Variants in DDX6 observed in about 807,000 individuals in gnomAD.
DDX6 encodes the protein probable ATP-dependent RNA helicase DDX6.
DDX6 carries 7 observed loss-of-function variants against 60.6 expected under a neutral mutation model. The ratio of observed to expected loss-of-function variants is 0.12; its 90% CI spans 0.07 to 0.22. DDX6 has a LOEUF of 0.22. DDX6 is among the 10% of genes least tolerant of loss of function. The pLI is 1.00. For missense variants in DDX6, 270 were observed against 589.9 expected (o/e 0.46, Z 5.62); for synonymous variants, 207 against 201.0 (o/e 1.03, Z -0.25).
At chr11:118,760,117 A>G in intron 7 of DDX6, 73 bp from the exon 8 acceptor site, 2 of 1,337,658 alleles carry the variant, frequency 1.5e-6, no homozygotes, top group South Asian at 2.8e-5. Context: ...ACATGGTCAA[A>G]GAATAAGGCA....
intron 13 of DDX6, among the ~76,000 whole-genome samples, chr11:118,753,167 T>C (rs879990074): frequency 6.6e-6 from 1 of 151,968 alleles, no homozygotes; most frequent in Non-Finnish European, 1.5e-5. Context: ...TAGCTGGGAT[T>C]ACAGGCGCCC....
intron 2 of DDX6, among the ~76,000 whole-genome samples, chr11:118,783,105 C>T (rs1308459650): frequency 1.3e-5 from 2 of 150,232 alleles, no homozygotes; most frequent in Non-Finnish European, 3.0e-5. Flanking sequence ...AAGTAAGTGA[C>T]GGAGGTTAAG....
chr11:118,769,606 C>G (rs1233493516), intron 4 of DDX6, among the ~76,000 whole-genome samples: 1 of 152,166 alleles, frequency 6.6e-6, no homozygotes, highest in South Asian at 2.1e-4. Context: ...CAAGCACCCC[C>G]ACTCTTTGCA....
intron 12 of DDX6, 23 bp from the exon 13 acceptor site, chr11:118,754,910 T>G: frequency 6.4e-7 from 1 of 1,572,832 alleles, no homozygotes; most frequent in African/African-American, 1.4e-5. Flanking sequence ...CGTTTAAAAA[T>G]TTTAATGAAT....
chr11:118,755,349 T>C (rs929043147), intron 12 of DDX6, 53 bp downstream of exon 12: 3 of 1,093,044 alleles, frequency 2.7e-6, no homozygotes, highest in Non-Finnish European at 4.2e-6. Context: ...ATTTAGTCAT[T>C]ACACGCCTCA....
chr11:118,784,140 A>T (rs1281463094), intron 2 of DDX6, among the ~76,000 whole-genome samples: 10 of 151,976 alleles, frequency 6.6e-5, no homozygotes, highest in Non-Finnish European at 1.5e-5. Context: ...AAATTTTGCT[A>T]ACCTACTTAC....
At chr11:118,790,721 CCA>C (rs1862245318) in intron 1 of DDX6, 1 of 153,092 alleles carries the variant, frequency 6.5e-6, no homozygotes, top group Non-Finnish European at 1.5e-5. Context: ...CGCTCCCACC[CCA>C]CACAGCTGCC....
chr11:118,766,663 G>A (rs368296277), intron 5 of DDX6, among the ~76,000 whole-genome samples: 26 of 151,936 alleles, frequency 1.7e-4, no homozygotes, highest in African/African-American at 4.8e-4. Context: ...CTGCCATCTC[G>A]GCCCACTGCA....
intron 4 of DDX6, among the ~76,000 whole-genome samples, chr11:118,770,033 CT>C (rs1184616238): frequency 7.5e-5 from 11 of 146,020 alleles, no homozygotes; most frequent in Middle Eastern, 3.4e-3. Flanking sequence ...AATTTTTTTT[CT>C]TTTTTTTTTG....
At chr11:118,758,089 G>C (rs1399048194) in intron 9 of DDX6, among the ~76,000 whole-genome samples, 1 of 152,174 alleles carries the variant, frequency 6.6e-6, no homozygotes, top group East Asian at 1.9e-4. Context: ...CCTCAGCTGG[G>C]AATGTGCATG....
At chr11:118,757,123 G>C in intron 10 of DDX6, 48 bp downstream of exon 10, 1 of 981,040 alleles carries the variant, frequency 1.0e-6, no homozygotes, top group South Asian at 1.9e-5. Context: ...ACAAAATAAA[G>C]AAAGAGATTT....
At chr11:118,768,436 C>A in intron 4 of DDX6, 84 bp from the exon 5 acceptor site, 1 of 1,454,790 alleles carries the variant, frequency 6.9e-7, no homozygotes, top group South Asian at 1.2e-5. Context: ...AAGGATACCT[C>A]TTTCGGTATT....
chr11:118,765,949 T>TA (rs1490873852), intron 5 of DDX6, among the ~76,000 whole-genome samples: 1 of 151,856 alleles, frequency 6.6e-6, no homozygotes. Flanking sequence ...CACATGCCTG[T>TA]AATCCCAGCT....
At chr11:118,783,991 G>A (rs138753311) in intron 2 of DDX6, among the ~76,000 whole-genome samples, 138 of 150,240 alleles carry the variant, frequency 9.2e-4, no homozygotes, top group Non-Finnish European at 1.5e-3. Flanking sequence ...GTAGGGCTGA[G>A]GCAGGAGGAT....
chr11:118,771,253 T>C (rs1372320381), intron 4 of DDX6, among the ~76,000 whole-genome samples: 1 of 152,144 alleles, frequency 6.6e-6, no homozygotes, highest in Non-Finnish European at 1.5e-5. Context: ...AACCTTTTTT[T>C]CAATCAAGTG....
At chr11:118,761,777 G>A (rs1427116345) in intron 7 of DDX6, among the ~76,000 whole-genome samples, 1 of 149,972 alleles carries the variant, frequency 6.7e-6, no homozygotes, top group East Asian at 2.0e-4. Context: ...TATTTTATAA[G>A]CAAATTAGAA....
chr11:118,759,894 C>T (rs1332139100), intron 8 of DDX6, 28 bp downstream of exon 8: 2 of 1,602,414 alleles, frequency 1.2e-6, no homozygotes, highest in Non-Finnish European at 1.7e-6. Context: ...CAGGATGGCA[C>T]TGATTCCAAG....
At chr11:118,780,167 T>A (rs1362517290) in intron 3 of DDX6, among the ~76,000 whole-genome samples, 1 of 147,208 alleles carries the variant, frequency 6.8e-6, no homozygotes, top group Admixed American at 6.8e-5. Flanking sequence ...CTGACTTTAG[T>A]ACTTTACCTG....
At chr11:118,767,944 T>A (rs553773923) in intron 5 of DDX6, 1 of 246,356 alleles carries the variant, frequency 4.1e-6, no homozygotes, top group African/African-American at 2.3e-5. Flanking sequence ...TCAGCTTTCC[T>A]ACCTATAGGG....
Sources: allele counts gnomAD v4.1 joint callset (sites outside exome capture counted in the v4.1 genomes callset), GRCh38; gene constraint gnomAD v4.1.1; transcripts MANE v1.5; gene names NCBI Gene and HGNC (gene_info 2026-07-23, HGNC 2026-07-21).